KIAA0825: variants seen among roughly 807,000 people sequenced by gnomAD.
KIAA0825 encodes the protein uncharacterized protein KIAA0825.
In KIAA0825, 119 loss-of-function variants were observed where a neutral mutation model predicts 147.6. The ratio of observed to expected loss-of-function variants is 0.81; its 90% CI spans 0.69 to 0.94. The LOEUF is 0.94. KIAA0825 is among the 40% of genes least tolerant of loss of function. The probability of loss-of-function intolerance (pLI) is 0.00; values close to 1 mark genes in which losing one functional copy is unlikely to be tolerated. For synonymous variants in KIAA0825, 470 were observed against 518.1 expected, an observed-to-expected ratio of 0.91 and a Z score of 1.26; for missense variants, 1,381 against 1,472.7, an observed-to-expected ratio of 0.94 and a Z score of 1.02.
chr5:94,520,033 C>A, intron 5 of KIAA0825: 1 of 1,132,866 alleles, frequency 8.8e-7, no homozygotes. Flanking sequence ...GCTTATATTT[C>A]CAATATCTTT....
chr5:94,386,181 T>C, intron 19 of KIAA0825, 61 bp downstream of exon 19: 2 of 1,473,010 alleles, frequency 1.4e-6, no homozygotes, highest in Non-Finnish European at 1.8e-6. Context: ...CACAAAGCAA[T>C]TTTTTCTTAC....
At chr5:94,534,827 G>T (rs1221796136) in intron 3 of KIAA0825, among the ~76,000 whole-genome samples, 1 of 151,936 alleles carries the variant, frequency 6.6e-6, no homozygotes, top group South Asian at 2.1e-4. Flanking sequence ...TGAAGGAAAT[G>T]GTTTACCTTT....
chr5:94,356,129 C>T lies in KIAA0825; in HGVS notation c.3710+28239G>A, dbSNP rs555798671. 3.9e-5 allele frequency among the ~76,000 whole-genome samples: 6 copies of T among 152,206 alleles called. No individual in the cohort carries two copies. The South Asian group carries it at 1.0e-3, about 26-fold the overall frequency. On this transcript the variant is annotated intron_variant, in intron 20 of 20. Transcript: ENST00000682413. Reference sequence around the variant, plus strand: ...CATTGCATCATGCTTAATTCTATTTCCTCTGCTTGATGAGCACCAATGTAC... The same window carrying T: ...CATTGCATCATGCTTAATTCTATTTTCTCTGCTTGATGAGCACCAATGTAC...
intron 20 of KIAA0825, among the ~76,000 whole-genome samples, chr5:94,352,224 A>G (rs1379673742): frequency 3.9e-5 from 6 of 152,242 alleles, no homozygotes; most frequent in African/African-American, 1.2e-4. Context: ...ATCAGCAAGA[A>G]CAAAACAAAC....
rs192416936 is a variant in KIAA0825, at chr5:94,248,783, G to A, written c.3711-94659C>T. On this transcript the variant is annotated intron_variant, in intron 20 of 20. Transcript: ENST00000682413. ...GCTCTAATGAACAACCCTGAACTAC[G>A]TTTTTTCCCCTCTCTGTTAAGTAAT... Among the ~76,000 whole-genome samples, 496 of 152,152 alleles carry A rather than the reference G, an allele frequency of 3.3e-3. 1 individual carries two copies. Among genetic ancestry groups the A allele is most frequent in the African/African-American group, 0.012 (481 of 41,504 alleles).
intron 2 of KIAA0825, among the ~76,000 whole-genome samples, chr5:94,554,666 A>G (rs1776176236): frequency 6.9e-6 from 1 of 145,890 alleles, no homozygotes; most frequent in African/African-American, 2.5e-5. Context: ...AGTAATGATA[A>G]CAGCCGACTC....
At chr5:94,367,566 G>T (rs968199598) in intron 20 of KIAA0825, among the ~76,000 whole-genome samples, 1 of 152,140 alleles carries the variant, frequency 6.6e-6, no homozygotes, top group East Asian at 1.9e-4. Context: ...ATAGAGAAAG[G>T]ATTTGAACCC....
chr5:94,200,129 G>T (rs990389100), intron 20 of KIAA0825, among the ~76,000 whole-genome samples: 1 of 152,130 alleles, frequency 6.6e-6, no homozygotes, highest in Non-Finnish European at 1.5e-5. Context: ...AACCTTGTAG[G>T]CTCCATGCAA....
chr5:94,213,318 C>T (rs900489501), intron 20 of KIAA0825, among the ~76,000 whole-genome samples: 2 of 152,092 alleles, frequency 1.3e-5, no homozygotes, highest in African/African-American at 4.8e-5. Context: ...ATAAATATCT[C>T]TTGAATGAGT....
intron 5 of KIAA0825, among the ~76,000 whole-genome samples, chr5:94,509,568 T>C (rs1188726953): frequency 6.6e-6 from 1 of 152,192 alleles, no homozygotes; most frequent in Non-Finnish European, 1.5e-5. Context: ...AAAACTTGCA[T>C]ATATTTAATC....
intron 15 of KIAA0825, chr5:94,416,308 A>G (rs926135763): frequency 1.3e-5 from 2 of 152,212 alleles, no homozygotes; most frequent in African/African-American, 4.8e-5. Flanking sequence ...ATATTCAAGT[A>G]ATATCTGGAG....
intron 2 of KIAA0825, among the ~76,000 whole-genome samples, chr5:94,574,405 G>T (rs1232230891): frequency 6.6e-6 from 1 of 151,918 alleles, no homozygotes. Context: ...TTAGTCGGGT[G>T]TGTTGGTGTA....
At chr5:94,417,462 G>A (rs1034039501) in intron 14 of KIAA0825, 97 bp from the exon 15 acceptor site, 2 of 939,978 alleles carry the variant, frequency 2.1e-6, no homozygotes, top group Admixed American at 3.0e-5. Flanking sequence ...TAATGCTGTG[G>A]AAATGGTTTT....
intron 20 of KIAA0825, among the ~76,000 whole-genome samples, chr5:94,382,767 A>G (rs1235699906): frequency 1.3e-5 from 2 of 152,198 alleles, no homozygotes; most frequent in Non-Finnish European, 2.9e-5. Context: ...TTAAACAAAA[A>G]CAAAAATATG....
intron 20 of KIAA0825, among the ~76,000 whole-genome samples, chr5:94,357,231 C>T (rs1784386353): frequency 1.4e-5 from 2 of 144,042 alleles, no homozygotes; most frequent in Non-Finnish European, 3.2e-5. Flanking sequence ...TGGTAAAACT[C>T]AAGCTAACAC....
At chr5:94,415,623 A>G (rs921159837) in intron 15 of KIAA0825, 2 of 152,210 alleles carry the variant, frequency 1.3e-5, no homozygotes, top group Non-Finnish European at 2.9e-5. Context: ...AACAACTTGT[A>G]TAAAGGAGAA....
chr5:94,452,922 T>C, intron 13 of KIAA0825, 37 bp downstream of exon 13: 1 of 1,043,310 alleles, frequency 9.6e-7, no homozygotes. Context: ...AAAGGAATCA[T>C]AGAATTATAG....
In KIAA0825 at chr5:94,530,627, T is replaced by C. The variant is rs915506299; in HGVS notation, c.131+6369A>G. ...TTTTTAGACAAGGTGTTGACTCAGC[T>C]GAGGCCATGACAAGGGTCTTTTCCT... On this transcript the variant is annotated intron_variant, in intron 3 of 20. Coordinates refer to ENST00000682413, the MANE Select transcript of KIAA0825 (RefSeq NM_001145678.3). Among the ~76,000 whole-genome samples, 5 of 152,332 alleles carry C rather than the reference T, an allele frequency of 3.3e-5. No homozygotes were observed. The East Asian group carries it at 9.7e-4, about 29-fold the overall frequency.
rs1199685808 is a variant in KIAA0825 at position 94,151,281 on chromosome 5, G to A, written c.*2726C>T. ...AAATACAAAAAAGTAGCCGGGCGCGGTGGCGGGCGCCTGTAGTCCCAGCTA... is the reference window on the plus strand; with the variant it reads ...AAATACAAAAAAGTAGCCGGGCGCGATGGCGGGCGCCTGTAGTCCCAGCTA... On this transcript the variant is annotated 3_prime_UTR_variant, in exon 21 of 21. Transcript: ENST00000682413. Among the ~76,000 whole-genome samples, 2 of 150,972 alleles carry A rather than the reference G, an allele frequency of 1.3e-5. No homozygotes were observed. Among genetic ancestry groups the A allele is most frequent in the African/African-American group, 4.9e-5 (2 of 41,166 alleles).
Sources: allele counts gnomAD v4.1 joint callset (sites outside exome capture counted in the v4.1 genomes callset), GRCh38; gene constraint gnomAD v4.1.1; transcripts MANE v1.5; gene names NCBI Gene and HGNC (gene_info 2026-07-23, HGNC 2026-07-21).